RYR2: variants seen among roughly 807,000 people sequenced by gnomAD.
RYR2 encodes the protein ryanodine receptor 2.
A neutral mutation model predicts 601.1 loss-of-function variants in RYR2; 227 were observed. That is an observed-to-expected ratio of 0.38 (90% CI 0.34 to 0.42). The LOEUF is 0.42. Ranked by LOEUF, RYR2 falls within the 10% of genes least tolerant of loss-of-function variation. RYR2 has a pLI of 1.00. For synonymous variants in RYR2, 2,223 were observed against 2,175.1 expected (o/e 1.02, Z -0.61); for missense variants, 4,646 against 6,156.5 (o/e 0.75, Z 8.21).
At chr1:237,192,058 G>C (rs1347226173) in intron 1 of RYR2, among the ~76,000 whole-genome samples, 1 of 151,870 alleles carries the variant, frequency 6.6e-6, no homozygotes, top group Non-Finnish European at 1.5e-5. Context: ...AAAATATTCA[G>C]TATGAAGATA....
intron 2 of RYR2, among the ~76,000 whole-genome samples, chr1:237,277,594 G>C (rs1690417197): frequency 6.6e-6 from 1 of 152,154 alleles, no homozygotes; most frequent in Non-Finnish European, 1.5e-5. Flanking sequence ...GCGAGACCCT[G>C]TGTCTCTACA....
At position 237,660,963 on chromosome 1, in the gene RYR2, G is replaced by A. The variant is rs1400633168; in HGVS notation, c.8436+16G>A. 9.6e-6 allele frequency: 13 copies of A among 1,360,864 alleles called. No individual in the cohort carries two copies. Among genetic ancestry groups the A allele is most frequent in the African/African-American group, 6.0e-5 (4 of 66,966 alleles). The allele number at this position is 1,360,864 out of a possible 1,614,324, so 84.3% of individuals were successfully genotyped here. A position where few individuals can be genotyped will look rare whatever the true frequency, so the allele number is the denominator to read the frequency against. ...GACAAGCCAGGTAAGAATTCATCACGGTGATGAATCAACTGTTTATGTTAT... is the reference window on the plus strand; with the variant it reads ...GACAAGCCAGGTAAGAATTCATCACAGTGATGAATCAACTGTTTATGTTAT... On this transcript the variant is annotated intron_variant, in intron 56 of 104. Transcript: ENST00000366574.
At chr1:237,517,371 T>C (rs751015305) in intron 24 of RYR2, among the ~76,000 whole-genome samples, 1 of 152,226 alleles carries the variant, frequency 6.6e-6, no homozygotes, top group African/African-American at 2.4e-5. Context: ...TCTGAGGTTA[T>C]TTAATATTTG....
chr1:237,481,007 C>G (rs1460200899), intron 17 of RYR2, among the ~76,000 whole-genome samples: 1 of 151,450 alleles, frequency 6.6e-6, no homozygotes, highest in Non-Finnish European at 1.5e-5. Context: ...TCTTTAGCCA[C>G]AAAACCAGCA....
At position 237,614,246 on chromosome 1, in the gene RYR2, G is replaced by T. The variant is rs1417993380; in HGVS notation, c.5118G>T (p.Leu1706=). 1 of 1,614,018 alleles carries T rather than the reference G, an allele frequency of 6.2e-7. No individual in the cohort carries two copies. Among genetic ancestry groups the T allele is most frequent in the South Asian group, 1.1e-5 (1 of 91,088 alleles). ...TGCGTGCTGGCTACTATGACCTGCT[G>T]ATTGACATCCACCTGAGCTCCTATG... ...GLLRAGYYDL[L]IDIHLSSYAT... is the part of the protein sequence containing the mutation. Residue 1706 remains leucine (L), a synonymous_variant, in exon 37 of 105, where the codon CTG becomes CTT. Transcript: ENST00000366574. The surrounding 1 kb of genome is among the most constrained non-coding windows in gnomAD (Gnocchi z 4.3).
chr1:237,779,199 T>G (rs1013033381), intron 88 of RYR2, among the ~76,000 whole-genome samples: 3 of 152,174 alleles, frequency 2.0e-5, no homozygotes, highest in Non-Finnish European at 4.4e-5. Flanking sequence ...ATGTTCTCAG[T>G]AGGGCGATGC....
Position 237,660,027 on chromosome 1 carries a change from T to C in RYR2, c.8251T>C (p.Ser2751Pro). The C allele has an allele frequency of 1.3e-6, 2 of 1,590,970 alleles. No individual in the cohort carries two copies. Among genetic ancestry groups the C allele is most frequent in the Non-Finnish European group, 1.7e-6 (2 of 1,171,600 alleles). Reference protein sequence around the residue: ...WIYGEIYSDSSKVQPLMKPYK... With the variant: ...WIYGEIYSDSPKVQPLMKPYK... ...TTATGGAGAAATATATTCAGACTCT[T>C]CTAAGGTTCAGCCATTAATGAAGCC... Residue 2751 changes from serine to proline, a missense_variant, in exon 55 of 105, where the codon TCT (serine) becomes CCT (proline). By Grantham distance (74) the Ser-to-Pro change is moderately conservative. Transcript: ENST00000366574.
chr1:237,248,321 GA>G (rs202029473), intron 1 of RYR2, among the ~76,000 whole-genome samples: 4,598 of 117,570 alleles, frequency 0.039, 300 homozygotes, highest in African/African-American at 0.15. Flanking sequence ...TGTATCATTT[GA>G]AAAAAAAATC....
intron 16 of RYR2, among the ~76,000 whole-genome samples, chr1:237,464,458 A>T (rs781775557): frequency 2.0e-5 from 3 of 152,006 alleles, no homozygotes; most frequent in Non-Finnish European, 4.4e-5. Flanking sequence ...TCACTGTGAA[A>T]GATCATATTA....
At chr1:237,192,644 G>C (rs975242751) in intron 1 of RYR2, among the ~76,000 whole-genome samples, 1 of 152,176 alleles carries the variant, frequency 6.6e-6, no homozygotes, top group South Asian at 2.1e-4. Flanking sequence ...CTTTACACAG[G>C]AGTCAAAAGA....
chr1:237,277,343 T>C (rs1413595908), intron 2 of RYR2, among the ~76,000 whole-genome samples: 2 of 152,200 alleles, frequency 1.3e-5, no homozygotes, highest in African/African-American at 4.8e-5. Context: ...CAGGTGTAAG[T>C]TAAGGATGTC....
At chr1:237,258,279 C>T (rs748094552) in intron 1 of RYR2, among the ~76,000 whole-genome samples, 25 of 151,440 alleles carry the variant, frequency 1.7e-4, no homozygotes, top group South Asian at 4.2e-4. Flanking sequence ...TGGAGAATGA[C>T]GTGAGAAGGT....
rs768193177 is a variant in RYR2 at position 237,657,997 on chromosome 1, C to G, written c.8183C>G (p.Ser2728Cys). ...TTCATTAACAAATATGCAGAACACT[C>G]CCATGACAAATGGTCAATGGACAAG... ...EYFINKYAEH[S>C]HDKWSMDKLA... The change falls in exon 54 of 105, where the codon TCC becomes TGC. Residue 2728 changes from serine (S) to cysteine (C), a missense_variant. By Grantham distance (112) the Ser-to-Cys change is moderately radical. This residue lies in a region of RYR2 where 1,497 missense variants were observed against 1,842.6 expected (regional missense o/e 0.81). Transcript: ENST00000366574. The G allele has an allele frequency of 2.0e-6, 3 of 1,509,794 alleles. No individual in the cohort carries two copies. Among genetic ancestry groups the G allele is most frequent in the Non-Finnish European group, 2.7e-6 (3 of 1,125,524 alleles). 93.5% of individuals were successfully genotyped at this position (1,509,794 alleles called of 1,614,324 possible). A position where few individuals can be genotyped will look rare whatever the true frequency, so the allele number is the denominator to read the frequency against.
At chr1:237,592,310 T>A (rs1174027569) in intron 32 of RYR2, among the ~76,000 whole-genome samples, 2 of 152,120 alleles carry the variant, frequency 1.3e-5, no homozygotes, top group East Asian at 3.9e-4. Context: ...CATATTTGAG[T>A]TTGATGTTCA....
At chr1:237,623,679 A>G in intron 38 of RYR2, 86 bp from the exon 39 acceptor site, 2 of 805,534 alleles carry the variant, frequency 2.5e-6, no homozygotes, top group Admixed American at 2.2e-5. Context: ...GGCATGAGCC[A>G]CTCCGCCCGG....
chr1:237,139,320 A>G (rs1039225984), intron 1 of RYR2, among the ~76,000 whole-genome samples: 6 of 152,248 alleles, frequency 3.9e-5, no homozygotes, highest in African/African-American at 1.4e-4. Flanking sequence ...TGAAATATCC[A>G]GAATAGGCAA....
chr1:237,815,091 G>A (rs1371480909), intron 100 of RYR2, among the ~76,000 whole-genome samples: 2 of 151,076 alleles, frequency 1.3e-5, no homozygotes, highest in Non-Finnish European at 2.9e-5. Flanking sequence ...TTTAGGAGAC[G>A]GATGAGGGAG....
chr1:237,698,516 A>G (rs943900411), intron 63 of RYR2, among the ~76,000 whole-genome samples: 11 of 152,186 alleles, frequency 7.2e-5, no homozygotes, highest in African/African-American at 2.7e-4. Context: ...ATTCATCTTA[A>G]TGCAGTGGGA....
At chr1:237,156,055 G>A (rs1029062517) in intron 1 of RYR2, among the ~76,000 whole-genome samples, 3 of 152,140 alleles carry the variant, frequency 2.0e-5, no homozygotes, top group African/African-American at 7.2e-5. Context: ...AGACATTTAG[G>A]CTTCTTTCTG....
Sources: gnomAD v4.1 joint callset for allele counts (sites outside exome capture counted in the v4.1 genomes callset) on GRCh38, gnomAD v4.1.1 for gene constraint, gnomAD v4.1.1 regional missense constraint, Gnocchi (gnomAD v3.1) non-coding constraint, MANE v1.5 for transcripts, NCBI Gene and HGNC (gene_info 2026-07-23, HGNC 2026-07-21) for gene names.